CNTNAP2: variants seen among roughly 807,000 people sequenced by gnomAD.
CNTNAP2 encodes the protein contactin-associated protein-like 2.
A neutral mutation model predicts 155.2 loss-of-function variants in CNTNAP2; 98 were observed. That is an observed-to-expected ratio of 0.63 (90% CI 0.54 to 0.75). The LOEUF is 0.75. Ranked by LOEUF, CNTNAP2 falls within the 30% of genes least tolerant of loss-of-function variation. The pLI is 0.00. For missense variants in CNTNAP2, 1,727 were observed against 1,688.1 expected (o/e 1.02, Z -0.40); for synonymous variants, 651 against 631.2 (o/e 1.03, Z -0.47).
chr7:146,282,034 AAAGT>A (rs745573727), intron 1 of CNTNAP2, among the ~76,000 whole-genome samples: 3 of 152,116 alleles, frequency 2.0e-5, no homozygotes, highest in Non-Finnish European at 4.4e-5. Context: ...CTAAAATCAA[AAAGT>A]AAAGGAAGAG....
chr7:147,405,308 T>C lies in CNTNAP2; in HGVS notation c.1670+9528T>C, dbSNP rs1192303047. Among the ~76,000 whole-genome samples the C allele has an allele frequency of 2.0e-5, 3 of 152,228 alleles. No individual in the cohort carries two copies. In the East Asian group the frequency reaches 5.8e-4, roughly 29 times the overall value. ...GCAATTGATTTTAAAACATTTAAAA[T>C]ATCTTTCTTAACAAGTGCTTTCTTC... is the stretch of plus-strand genomic sequence containing the variant. On this transcript the variant is annotated intron_variant, in intron 10 of 23. Transcript: ENST00000361727.
chr7:148,213,981 C>T lies in CNTNAP2; in HGVS notation c.3011-3307C>T, dbSNP rs114827289. ...GCGGCATGATGCCTCAGACTTCAGA[C>T]CCTCTCACTGCCAATACACTGTGCC... On this transcript the variant is annotated intron_variant, in intron 18 of 23. Transcript: ENST00000361727. Among the ~76,000 whole-genome samples, 518 of 152,328 alleles carry T rather than the reference C, an allele frequency of 3.4e-3. 4 individuals carry two copies. Among genetic ancestry groups the T allele is most frequent in the African/African-American group, 0.012 (496 of 41,582 alleles).
At chr7:147,340,298 G>T (rs1385194902) in intron 9 of CNTNAP2, among the ~76,000 whole-genome samples, 1 of 152,064 alleles carries the variant, frequency 6.6e-6, no homozygotes, top group East Asian at 1.9e-4. Context: ...TGCTAGAAAG[G>T]AACCATATTT....
intron 21 of CNTNAP2, among the ~76,000 whole-genome samples, chr7:148,363,250 C>T (rs1028553283): frequency 1.3e-5 from 2 of 152,080 alleles, no homozygotes; most frequent in Non-Finnish European, 2.9e-5. Context: ...CCCTAAGTGC[C>T]GGGATTACAG....
chr7:147,667,329 G>A (rs540265585), intron 13 of CNTNAP2, among the ~76,000 whole-genome samples: 2 of 152,264 alleles, frequency 1.3e-5, no homozygotes, highest in African/African-American at 2.4e-5. Context: ...ATGCCTTAAA[G>A]CACTATTATC....
chr7:147,957,075 G>A (rs1585048039), intron 14 of CNTNAP2, among the ~76,000 whole-genome samples: 1 of 152,150 alleles, frequency 6.6e-6, no homozygotes, highest in Admixed American at 6.6e-5. Context: ...CACTTACTGA[G>A]GCAGGAAGGA....
intron 2 of CNTNAP2, among the ~76,000 whole-genome samples, chr7:146,832,227 T>C (rs1803526873): frequency 6.6e-6 from 1 of 152,166 alleles, no homozygotes; most frequent in Non-Finnish European, 1.5e-5. Context: ...TAATTCTCCA[T>C]TATAGGCTTA....
chr7:147,949,524 C>T lies in CNTNAP2; in HGVS notation c.2256-28338C>T, dbSNP rs117168273. ...TCCAAAGCTATAATCCTGACTGGCT[C>T]AAGATGTCTTAAGAAACTTAGAAAC... On this transcript the variant is annotated intron_variant, in intron 14 of 23. Coordinates refer to ENST00000361727, the MANE Select transcript of CNTNAP2 (RefSeq NM_014141.6). Among the ~76,000 whole-genome samples the T allele has an allele frequency of 8.2e-3, 1,235 of 151,186 alleles. 8 individuals are homozygous for T. The highest frequency in any genetic ancestry group is 0.031 in the South Asian group (148 of 4,784).
At chr7:147,993,033 T>C (rs1418187581) in intron 15 of CNTNAP2, among the ~76,000 whole-genome samples, 2 of 152,218 alleles carry the variant, frequency 1.3e-5, no homozygotes, top group Admixed American at 6.5e-5. Flanking sequence ...GAAATTTATA[T>C]GTCAAGTATT....
intron 10 of CNTNAP2, among the ~76,000 whole-genome samples, chr7:147,485,608 C>T (rs1235859041): frequency 2.0e-5 from 3 of 152,084 alleles, no homozygotes; most frequent in Non-Finnish European, 4.4e-5. Flanking sequence ...CGATCTTTCA[C>T]CAGGAGGGAA....
chr7:148,349,381 C>T (rs549034689), intron 21 of CNTNAP2, among the ~76,000 whole-genome samples: 2 of 142,524 alleles, frequency 1.4e-5, no homozygotes, highest in African/African-American at 2.6e-5. Flanking sequence ...AGCTAATGAG[C>T]TTTAAAAATT....
rs867648257 is a variant in CNTNAP2, at chr7:146,338,758, A to G, written c.97+221785A>G. ...TTTTTTTATTTTTCTTTTTAAGAAT[A>G]TAGAGTCTTTAATGTGGTCAGAATT... On this transcript the variant is annotated intron_variant, in intron 1 of 23. Coordinates refer to ENST00000361727, the MANE Select transcript of CNTNAP2 (RefSeq NM_014141.6). Among the ~76,000 whole-genome samples the G allele has an allele frequency of 2.3e-4, 35 of 152,300 alleles. 1 individual carries two copies. Among genetic ancestry groups the G allele is most frequent in the Admixed American group, 7.2e-4 (11 of 15,300 alleles).
intron 1 of CNTNAP2, among the ~76,000 whole-genome samples, chr7:146,553,197 A>G (rs575079367): frequency 6.6e-6 from 1 of 152,152 alleles, no homozygotes; most frequent in African/African-American, 2.4e-5. Context: ...ATATGAAATT[A>G]TGACAATATT....
chr7:146,266,792 T>C (rs1800000359), intron 1 of CNTNAP2, among the ~76,000 whole-genome samples: 1 of 151,228 alleles, frequency 6.6e-6, no homozygotes, highest in African/African-American at 2.4e-5. Flanking sequence ...AAAGATGTGA[T>C]GGAAAAAAAA....
At chr7:146,699,033 T>C (rs985798072) in intron 1 of CNTNAP2, among the ~76,000 whole-genome samples, 3 of 152,200 alleles carry the variant, frequency 2.0e-5, no homozygotes, top group African/African-American at 7.2e-5. Context: ...ATGTTGTTTG[T>C]TTTTATCATT....
intron 1 of CNTNAP2, among the ~76,000 whole-genome samples, chr7:146,232,854 A>G (rs575487465): frequency 1.3e-5 from 2 of 152,254 alleles, no homozygotes; most frequent in Admixed American, 6.5e-5. Flanking sequence ...GACAAAAACA[A>G]TGTCAAAGAC....
chr7:147,369,120 C>T (rs1328637366), intron 9 of CNTNAP2, among the ~76,000 whole-genome samples: 1 of 152,170 alleles, frequency 6.6e-6, no homozygotes, highest in Non-Finnish European at 1.5e-5. Context: ...ACGTTAAATA[C>T]TTTATAACCA....
chr7:148,169,534 T>C (rs1805734870), intron 17 of CNTNAP2, among the ~76,000 whole-genome samples: 1 of 152,236 alleles, frequency 6.6e-6, no homozygotes, highest in African/African-American at 2.4e-5. Context: ...TATAGTATCA[T>C]ATAAAATGGA....
intron 1 of CNTNAP2, among the ~76,000 whole-genome samples, chr7:146,405,107 G>C (rs1220667446): frequency 6.6e-6 from 1 of 152,132 alleles, no homozygotes; most frequent in Non-Finnish European, 1.5e-5. Context: ...TTTCCCATCT[G>C]GTGCACGAAG....
Sources: allele counts gnomAD v4.1 joint callset (sites outside exome capture counted in the v4.1 genomes callset), GRCh38; gene constraint gnomAD v4.1.1; transcripts MANE v1.5; gene names NCBI Gene and HGNC (gene_info 2026-07-23, HGNC 2026-07-21).